NKAIN2: variants seen among roughly 807,000 people sequenced by gnomAD.
NKAIN2 encodes the protein sodium/potassium-transporting ATPase subunit beta-1-interacting protein 2.
Under a neutral mutation model 32.6 loss-of-function variants are expected in NKAIN2, and 14 were observed. The ratio of observed to expected loss-of-function variants is 0.43; its 90% CI spans 0.28 to 0.67. NKAIN2 has a LOEUF of 0.67. NKAIN2 is among the 30% of genes least tolerant of loss of function. NKAIN2 has a pLI of 0.17. For missense variants in NKAIN2, 198 were observed against 258.3 expected (o/e 0.77, Z 1.60); for synonymous variants, 80 against 87.2 (o/e 0.92, Z 0.46).
At chr6:124,712,273 T>C (rs1188979816) in intron 4 of NKAIN2, among the ~76,000 whole-genome samples, 1 of 133,284 alleles carries the variant, frequency 7.5e-6, no homozygotes, top group East Asian at 2.1e-4. Flanking sequence ...GTCTTTTTGT[T>C]TGTCTGTGCC....
chr6:124,106,558 T>C (rs975757549), intron 1 of NKAIN2, among the ~76,000 whole-genome samples: 1 of 152,192 alleles, frequency 6.6e-6, no homozygotes, highest in Non-Finnish European at 1.5e-5. Context: ...GCTGATTTTG[T>C]TACCTTAGGA....
At chr6:123,859,846 A>G (rs992037528) in intron 1 of NKAIN2, among the ~76,000 whole-genome samples, 4 of 152,062 alleles carry the variant, frequency 2.6e-5, no homozygotes, top group Admixed American at 6.5e-5. Context: ...ACATGCCACA[A>G]TGCCTGGCTA....
intron 3 of NKAIN2, among the ~76,000 whole-genome samples, chr6:124,497,731 A>T (rs1473612420): frequency 2.0e-5 from 3 of 150,780 alleles, no homozygotes; most frequent in East Asian, 3.9e-4. Flanking sequence ...AAGCTTACAT[A>T]AAAAAAAACT....
intron 1 of NKAIN2, among the ~76,000 whole-genome samples, chr6:123,932,625 G>C (rs1776307314): frequency 6.6e-6 from 1 of 151,854 alleles, no homozygotes; most frequent in Non-Finnish European, 1.5e-5. Flanking sequence ...CACCGTGTTA[G>C]CCAGGATGGT....
chr6:124,398,713 A>G (rs907713864), intron 3 of NKAIN2, among the ~76,000 whole-genome samples: 12 of 152,206 alleles, frequency 7.9e-5, no homozygotes, highest in Non-Finnish European at 1.8e-4. Flanking sequence ...GTACGGTGTT[A>G]CAATTGGTAA....
At chr6:123,843,847 C>T (rs942882675) in intron 1 of NKAIN2, among the ~76,000 whole-genome samples, 2 of 152,016 alleles carry the variant, frequency 1.3e-5, no homozygotes, top group African/African-American at 4.8e-5. Flanking sequence ...TAAAGTCTCT[C>T]AGGTAATAAA....
chr6:123,930,557 A>G (rs986515441), intron 1 of NKAIN2, among the ~76,000 whole-genome samples: 7 of 152,212 alleles, frequency 4.6e-5, no homozygotes, highest in Non-Finnish European at 8.8e-5. Flanking sequence ...AATATGAAGT[A>G]TGTATTTTGA....
chr6:124,554,325 T>C (rs1364514361), intron 3 of NKAIN2, among the ~76,000 whole-genome samples: 1 of 152,226 alleles, frequency 6.6e-6, no homozygotes, highest in Non-Finnish European at 1.5e-5. Context: ...GGGACTGTTC[T>C]CCCGGTGTGA....
intron 3 of NKAIN2, among the ~76,000 whole-genome samples, chr6:124,358,674 C>T (rs1243449220): frequency 6.6e-6 from 1 of 151,856 alleles, no homozygotes; most frequent in African/African-American, 2.4e-5. Context: ...GGATATTGGC[C>T]CTTTGTCAGA....
At chr6:123,860,151 T>G (rs1023589626) in intron 1 of NKAIN2, among the ~76,000 whole-genome samples, 1 of 152,114 alleles carries the variant, frequency 6.6e-6, no homozygotes, top group African/African-American at 2.4e-5. Flanking sequence ...GTACAAGATG[T>G]TGAGGAGATG....
intron 5 of NKAIN2, among the ~76,000 whole-genome samples, chr6:124,808,701 T>G (rs1419793392): frequency 6.6e-6 from 1 of 152,208 alleles, no homozygotes; most frequent in Non-Finnish European, 1.5e-5. Flanking sequence ...TTGTCCCTGT[T>G]TGCAGATGAT....
intron 3 of NKAIN2, among the ~76,000 whole-genome samples, chr6:124,524,626 T>C (rs1423695457): frequency 6.6e-6 from 1 of 152,178 alleles, no homozygotes; most frequent in East Asian, 1.9e-4. Context: ...TAGCCCCTTG[T>C]CTGATGAATA....
At chr6:124,164,657 AT>A in intron 1 of NKAIN2, among the ~76,000 whole-genome samples, 2 of 152,022 alleles carry the variant, frequency 1.3e-5, no homozygotes, top group East Asian at 3.9e-4. Flanking sequence ...TATGTGCATT[AT>A]TTTTTTCAAA....
intron 1 of NKAIN2, among the ~76,000 whole-genome samples, chr6:123,998,712 G>T (rs1391622577): frequency 6.7e-6 from 1 of 148,740 alleles, no homozygotes; most frequent in Admixed American, 6.8e-5. Context: ...CAGATAAATG[G>T]ATAAAGAAAT....
At chr6:124,186,912 C>T (rs1789771406) in intron 1 of NKAIN2, among the ~76,000 whole-genome samples, 1 of 151,964 alleles carries the variant, frequency 6.6e-6, no homozygotes, top group Admixed American at 6.6e-5. Flanking sequence ...TTTTTATAAT[C>T]CTTCTAGGAT....
chr6:123,906,856 C>T (rs1270211620), intron 1 of NKAIN2, among the ~76,000 whole-genome samples: 1 of 152,136 alleles, frequency 6.6e-6, no homozygotes, highest in East Asian at 1.9e-4. Flanking sequence ...TGTATTATTA[C>T]TCAGGTTAAA....
chr6:124,080,744 C>T (rs548960531), intron 1 of NKAIN2, among the ~76,000 whole-genome samples: 1 of 152,070 alleles, frequency 6.6e-6, no homozygotes, highest in South Asian at 2.1e-4. Context: ...ACACTCCCCC[C>T]CTCCAAGATC....
rs373550719 is a variant in NKAIN2 at position 123,835,430 on chromosome 6, A to G, written c.54+31176A>G. On this transcript the variant is annotated intron_variant, in intron 1 of 6. Coordinates refer to ENST00000368417, the MANE Select transcript of NKAIN2 (RefSeq NM_001040214.3). Reference sequence around the variant, plus strand: ...AAATCTATTTACAATCTATCTGCCCATCTATTCATGCATAAGTAAAGGTTA... The same window carrying G: ...AAATCTATTTACAATCTATCTGCCCGTCTATTCATGCATAAGTAAAGGTTA... Among the ~76,000 whole-genome samples, 8 of 152,222 alleles carry G rather than the reference A, an allele frequency of 5.3e-5. 1 individual carries two copies. The highest frequency in any genetic ancestry group is 1.7e-4 in the African/African-American group (7 of 41,456).
chr6:124,765,564 A>G (rs1246101344), intron 4 of NKAIN2, among the ~76,000 whole-genome samples: 4 of 152,186 alleles, frequency 2.6e-5, no homozygotes, highest in African/African-American at 9.7e-5. Context: ...ATTCCTGCCA[A>G]AGAGGCTCAG....
Sources: allele counts gnomAD v4.1 joint callset (sites outside exome capture counted in the v4.1 genomes callset), GRCh38; gene constraint gnomAD v4.1.1; transcripts MANE v1.5; gene names NCBI Gene and HGNC (gene_info 2026-07-23, HGNC 2026-07-21).